The following LRRIQ4 variants were observed in gnomAD, a reference collection of about 807,000 sequenced individuals.
The protein encoded by LRRIQ4 is leucine rich repeats and IQ motif containing 4.
Under a neutral mutation model 40.1 loss-of-function variants are expected in LRRIQ4, and 21 were observed. The observed-to-expected ratio is 0.52, with a 90% CI of 0.37 to 0.75. The LOEUF (loss-of-function observed/expected upper bound fraction) is 0.75. Among genes scored for constraint, LRRIQ4 ranks in the 30% least tolerant of loss-of-function variants. The probability of loss-of-function intolerance (pLI) is 0.00; values close to 1 mark genes in which losing one functional copy is unlikely to be tolerated. For synonymous variants in LRRIQ4, 277 were observed against 277.1 expected, an observed-to-expected ratio of 1.00 and a Z score of 0.00; for missense variants, 655 against 660.0, an observed-to-expected ratio of 0.99 and a Z score of 0.08.
intron 5 of LRRIQ4, among the ~76,000 whole-genome samples, chr3:169,833,943 T>C (rs1280892692): frequency 6.6e-6 from 1 of 152,218 alleles, no homozygotes; most frequent in African/African-American, 2.4e-5. Flanking sequence ...AAATCTTTTG[T>C]AATACCTCTT....
In LRRIQ4 at chr3:169,821,896, G is replaced by T; in HGVS notation, c.-26G>T. The T allele has an allele frequency of 2.2e-6, 3 of 1,361,940 alleles. No individual in the cohort carries two copies. The South Asian group carries it at 6.4e-5, about 29-fold the overall frequency. The allele number at this position is 1,361,940 out of a possible 1,614,324, so 84.4% of individuals were successfully genotyped here. ...TCCTTTTCACAATATTTCAGATTTT[G>T]AATATTTGAGCTTTTCTTCACAATA... On this transcript the variant is annotated 5_prime_UTR_variant, in exon 2 of 6. The change creates a premature stop within an existing upstream ORF in the 5' untranslated region. Transcript: ENST00000340806.
At chr3:169,815,929 T>A (rs9878316) in intron 1 of LRRIQ4, among the ~76,000 whole-genome samples, 77,231 of 152,038 alleles carry the variant, frequency 0.51, 20,916 homozygotes, top group East Asian at 0.74. Context: ...TGTTGATAGG[T>A]TGTATCACAT....
In LRRIQ4 at chr3:169,822,306, G is replaced by C; in HGVS notation, c.385G>C (p.Asp129His). ...ALRELRLYQT[D>H]LKEIPVVIFK... ...GCGCGAGCTCCGGCTCTACCAGACC[G>C]ACCTGAAGGAAATTCCCGTCGTCAT... The change falls in exon 2 of 6, where the codon GAC becomes CAC. Residue 129 changes from aspartate to histidine, a missense_variant. Physicochemically the swap from Asp to His is moderately conservative, Grantham distance 81. Transcript: ENST00000340806. 6.2e-7 allele frequency: 1 copy of C among 1,613,870 alleles called. No individual in the cohort carries two copies. Among genetic ancestry groups the C allele is most frequent in the Non-Finnish European group, 8.5e-7 (1 of 1,179,846 alleles).
intron 3 of LRRIQ4, 83 bp from the exon 4 acceptor site, chr3:169,830,409 A>AAAAAAAAAAAAAT: frequency 7.9e-6 from 4 of 508,544 alleles, no homozygotes; most frequent in Non-Finnish European, 1.2e-5. Context: ...AAAAAAAAAA[A>AAAAAAAAAAAAAT]TGCATGAGCA....
chr3:169,827,879 G>C (rs546286279), intron 2 of LRRIQ4, among the ~76,000 whole-genome samples: 2 of 152,308 alleles, frequency 1.3e-5, no homozygotes, highest in South Asian at 4.1e-4. Flanking sequence ...AGCCCTGAAA[G>C]TGTGGCACTC....
intron 1 of LRRIQ4, among the ~76,000 whole-genome samples, chr3:169,814,064 C>T (rs1007204098): frequency 6.6e-6 from 1 of 152,074 alleles, no homozygotes; most frequent in African/African-American, 2.4e-5. Flanking sequence ...TCAGTTAGAC[C>T]CTCTGTCTTA....
At chr3:169,826,139 C>T (rs1243708385) in intron 2 of LRRIQ4, among the ~76,000 whole-genome samples, 2 of 152,164 alleles carry the variant, frequency 1.3e-5, no homozygotes, top group Non-Finnish European at 2.9e-5. Context: ...CGCCTGTAAT[C>T]ACAACACTTT....
In LRRIQ4 at chr3:169,822,326, CG is replaced by C. The variant is rs758532964; in HGVS notation, c.406del (p.Val136SerfsTer14). 5 of 1,613,866 alleles carry C rather than the reference CG, an allele frequency of 3.1e-6. No homozygotes were observed. In the African/African-American group the frequency reaches 6.7e-5, roughly 22 times the overall value. The stretch of plus-strand genomic sequence containing the variant: ...AGACCGACCTGAAGGAAATTCCCGT[CG>C]TCATCTTTAAAAACCTCCACCATCT... ...YQTDLKEIPV[V>X]IFKNLHHLEL... On this transcript the variant is annotated frameshift_variant, in exon 2 of 6. Coordinates refer to ENST00000340806, the MANE Select transcript of LRRIQ4 (RefSeq NM_001080460.3). LOFTEE classifies it high-confidence loss of function.
At chr3:169,835,014 A>G (rs948784095) in intron 5 of LRRIQ4, among the ~76,000 whole-genome samples, 3 of 151,962 alleles carry the variant, frequency 2.0e-5, no homozygotes, top group African/African-American at 7.3e-5. Context: ...ATAAATATTG[A>G]TGATTATTAG....
At chr3:169,827,436 T>G (rs1463203050) in intron 2 of LRRIQ4, among the ~76,000 whole-genome samples, 1 of 151,596 alleles carries the variant, frequency 6.6e-6, no homozygotes. Context: ...TGAAACCCCG[T>G]CTCTACTAAA....
intron 1 of LRRIQ4, among the ~76,000 whole-genome samples, chr3:169,820,046 C>T (rs1438751647): frequency 6.6e-6 from 1 of 152,200 alleles, no homozygotes; most frequent in African/African-American, 2.4e-5. Context: ...ACCTGAAGCA[C>T]ATAGTGTTGT....
intron 5 of LRRIQ4, among the ~76,000 whole-genome samples, chr3:169,834,991 T>C (rs1450547456): frequency 6.6e-6 from 1 of 152,164 alleles, no homozygotes; most frequent in Non-Finnish European, 1.5e-5. Flanking sequence ...TAGCATAGTT[T>C]ATATATTCAT....
At chr3:169,832,966 A>G (rs1359582604) in intron 4 of LRRIQ4, 21 bp from the exon 5 acceptor site, 2 of 1,602,848 alleles carry the variant, frequency 1.2e-6, no homozygotes, top group Admixed American at 3.4e-5. Context: ...TTGAACCACC[A>G]TTACGAAAAA....
At chr3:169,820,280 TG>T (rs1779854595) in intron 1 of LRRIQ4, among the ~76,000 whole-genome samples, 1 of 151,572 alleles carries the variant, frequency 6.6e-6, no homozygotes, top group Non-Finnish European at 1.5e-5. Context: ...TGTGTGTGTG[TG>T]TGTGTGTGTG....
At chr3:169,814,501 T>TTTGTTTGTTTGTTTGTTTGTTTG (rs1560607379) in intron 1 of LRRIQ4, among the ~76,000 whole-genome samples, 38 of 146,274 alleles carry the variant, frequency 2.6e-4, no homozygotes, top group African/African-American at 9.1e-4. Flanking sequence ...TTGTTTGTTT[T>TTTGTTTGTTTGTTTGTTTGTTTG]TTGAGACAGA....
At chr3:169,814,254 G>A (rs1779709480) in intron 1 of LRRIQ4, among the ~76,000 whole-genome samples, 1 of 152,098 alleles carries the variant, frequency 6.6e-6, no homozygotes, top group Non-Finnish European at 1.5e-5. Context: ...TTCCCCTGGA[G>A]TCCGGCCGCT....
chr3:169,818,562 A>G (rs573681041), intron 1 of LRRIQ4, among the ~76,000 whole-genome samples: 15 of 152,278 alleles, frequency 9.9e-5, no homozygotes, highest in African/African-American at 3.4e-4. Flanking sequence ...TTTCACATGG[A>G]AGGTTTTATT....
At chr3:169,829,032 A>T in intron 3 of LRRIQ4, 100 bp downstream of exon 3, 1 of 1,055,392 alleles carries the variant, frequency 9.5e-7, no homozygotes, top group Non-Finnish European at 1.4e-6. Context: ...TGGATGTAGA[A>T]TCATCCATAC....
At chr3:169,836,254 G>T (rs1780299701) in intron 5 of LRRIQ4, among the ~76,000 whole-genome samples, 1 of 151,938 alleles carries the variant, frequency 6.6e-6, no homozygotes, top group African/African-American at 2.4e-5. Flanking sequence ...AGAAGTGGTT[G>T]ATTTAAATAA....
Sources: gnomAD v4.1 joint callset for allele counts (sites outside exome capture counted in the v4.1 genomes callset) on GRCh38, gnomAD v4.1.1 for gene constraint, MANE v1.5 for transcripts, NCBI Gene and HGNC (gene_info 2026-07-23, HGNC 2026-07-21) for gene names.